The following AGAP1 variants were observed in gnomAD, a reference collection of about 807,000 sequenced individuals.
AGAP1 encodes arf-GAP with GTPase, ANK repeat and PH domain-containing protein 1.
A neutral mutation model predicts 105.3 loss-of-function variants in AGAP1; 29 were observed. The ratio of observed to expected loss-of-function variants is 0.28; its 90% CI spans 0.21 to 0.38. The LOEUF (loss-of-function observed/expected upper bound fraction) is 0.38, where lower values mean the gene tolerates loss of function less well. Ranked by LOEUF, AGAP1 falls within the 10% of genes least tolerant of loss-of-function variation. The pLI is 1.00. For missense variants in AGAP1, 998 were observed against 1,165.1 expected, an observed-to-expected ratio of 0.86 and a Z score of 2.09; for synonymous variants, 509 against 485.9, an observed-to-expected ratio of 1.05 and a Z score of -0.63.
rs911791793 is a variant in AGAP1 at position 235,601,555 on chromosome 2, A to G, written c.163+106706A>G. 6.6e-5 allele frequency among the ~76,000 whole-genome samples: 10 copies of G among 152,182 alleles called. No homozygotes were observed. Among genetic ancestry groups the G allele is most frequent in the African/African-American group, 2.2e-4 (9 of 41,456 alleles). On this transcript the variant is annotated intron_variant, in intron 1 of 17. Coordinates refer to ENST00000304032, the MANE Select transcript of AGAP1 (RefSeq NM_001037131.3). The surrounding 1 kb of genome is among the most constrained non-coding windows in gnomAD (Gnocchi z 4.4). ...TTGCTCAGGCGAACTCCCGTTTATA[A>G]AACCATCAGATCTTGTGAGACTTAT...
At chr2:235,833,311 G>A (rs1415784263) in intron 9 of AGAP1, among the ~76,000 whole-genome samples, 1 of 152,230 alleles carries the variant, frequency 6.6e-6, no homozygotes, top group Non-Finnish European at 1.5e-5. Flanking sequence ...AAGGGACAGG[G>A]CAGGATTATT....
rs1462531163 is a variant in AGAP1 at position 236,036,611 on chromosome 2, T to C, written c.1696T>C (p.Trp566Arg). ...FIIVSLTGQT[W>R]HFEATTYEER... ...CATTGTGTCCCTCACTGGCCAAACA[T>C]GGCACTTTGAAGCCACGACGTATGA... Residue 566 changes from tryptophan to arginine, a missense_variant, in exon 14 of 18, where the codon TGG becomes CGG. Physicochemically the swap from Trp to Arg is moderately radical, Grantham distance 101. Transcript: ENST00000304032. The surrounding 1 kb of genome is among the most constrained non-coding windows in gnomAD (Gnocchi z 5.7). The C allele has an allele frequency of 3.1e-6, 5 of 1,614,180 alleles. No individual in the cohort carries two copies. Among genetic ancestry groups the C allele is most frequent in the Non-Finnish European group, 4.2e-6 (5 of 1,180,040 alleles).
rs1395865782 is a variant in AGAP1 at position 235,739,366 on chromosome 2, C to T, written c.311-1597C>T. 1.3e-5 allele frequency among the ~76,000 whole-genome samples: 2 copies of T among 152,232 alleles called. No individual in the cohort carries two copies. Among genetic ancestry groups the T allele is most frequent in the African/African-American group, 4.8e-5 (2 of 41,460 alleles). On this transcript the variant is annotated intron_variant, in intron 3 of 17. Coordinates refer to ENST00000304032, the MANE Select transcript of AGAP1 (RefSeq NM_001037131.3). This position sits in a 1 kb window ranked among gnomAD's most constrained non-coding sequence, Gnocchi z 5.3. Reference sequence around the variant, plus strand: ...CATTTCTTTTTTGCCTACGAGGACTCTCGATTCAGGGACCCTGAGTCTTTG... The same window carrying T: ...CATTTCTTTTTTGCCTACGAGGACTTTCGATTCAGGGACCCTGAGTCTTTG...
rs892818417 is a variant in AGAP1 at position 235,635,463 on chromosome 2, G to C, written c.164-73716G>C. 2.6e-5 allele frequency among the ~76,000 whole-genome samples: 4 copies of C among 152,132 alleles called. No homozygotes were observed. Among genetic ancestry groups the C allele is most frequent in the Non-Finnish European group, 5.9e-5 (4 of 68,028 alleles). On this transcript the variant is annotated intron_variant, in intron 1 of 17. Coordinates refer to ENST00000304032, the MANE Select transcript of AGAP1 (RefSeq NM_001037131.3). The surrounding 1 kb of genome is among the most constrained non-coding windows in gnomAD (Gnocchi z 5.3). ...TGAAAATTTGTCATTTTGGTGTGGT[G>C]AATTCGTTCTTTTATTCATCATCCA...
chr2:235,565,090 G>A (rs1219722092), intron 1 of AGAP1, among the ~76,000 whole-genome samples: 1 of 148,280 alleles, frequency 6.7e-6, no homozygotes, highest in Admixed American at 6.7e-5. Context: ...CCCACGGTCA[G>A]CTGTGAATTT....
intron 1 of AGAP1, among the ~76,000 whole-genome samples, chr2:235,607,731 C>T (rs1945993480): frequency 6.6e-6 from 1 of 152,190 alleles, no homozygotes; most frequent in Admixed American, 6.5e-5. Flanking sequence ...AAGCTGCAGG[C>T]CAGCCTCGAG....
chr2:235,997,063 A>G (rs1484149854), intron 13 of AGAP1, among the ~76,000 whole-genome samples: 1 of 152,176 alleles, frequency 6.6e-6, no homozygotes, highest in African/African-American at 2.4e-5. Context: ...AGGTACATAG[A>G]TACATGCATA....
At chr2:235,544,104 A>G (rs956180877) in intron 1 of AGAP1, among the ~76,000 whole-genome samples, 2 of 152,224 alleles carry the variant, frequency 1.3e-5, no homozygotes, top group Non-Finnish European at 2.9e-5. Flanking sequence ...TGACAGTTTC[A>G]TAAGGCTAAC....
intron 6 of AGAP1, among the ~76,000 whole-genome samples, chr2:235,790,559 T>A (rs1337972487): frequency 6.6e-6 from 1 of 152,162 alleles, no homozygotes; most frequent in Non-Finnish European, 1.5e-5. Flanking sequence ...ATAGATCTCT[T>A]CACTTCTCTA....
chr2:235,771,468 T>A (rs985682820), intron 6 of AGAP1, among the ~76,000 whole-genome samples: 1 of 152,168 alleles, frequency 6.6e-6, no homozygotes. Flanking sequence ...CTAAGGCATG[T>A]GGGCGTGCAA....
intron 1 of AGAP1, among the ~76,000 whole-genome samples, chr2:235,539,427 C>T (rs963471686): frequency 3.3e-5 from 5 of 152,230 alleles, no homozygotes; most frequent in African/African-American, 1.2e-4. Flanking sequence ...CCCTGCCTAG[C>T]GCTGCCTTGT....
Position 235,970,712 on chromosome 2 carries a change from C to T in AGAP1, c.1645+2089C>T, listed in dbSNP as rs1177200693. Among the ~76,000 whole-genome samples, 1 of 152,174 alleles carries T rather than the reference C, an allele frequency of 6.6e-6. No individual in the cohort carries two copies. Among genetic ancestry groups the T allele is most frequent in the Non-Finnish European group, 1.5e-5 (1 of 68,036 alleles). On this transcript the variant is annotated intron_variant, in intron 13 of 17. Transcript: ENST00000304032. The surrounding 1 kb of genome is among the most constrained non-coding windows in gnomAD (Gnocchi z 5.4). ...CCGCTGTGTAAATGAGTGAATAAAT[C>T]AGTAGCGTTTCTGCACATTTGATGG...
At chr2:235,545,279 G>A (rs926272541) in intron 1 of AGAP1, among the ~76,000 whole-genome samples, 5 of 152,134 alleles carry the variant, frequency 3.3e-5, no homozygotes, top group Non-Finnish European at 4.4e-5. Flanking sequence ...GAGTGTGATC[G>A]GTGAAACACA....
intron 16 of AGAP1, among the ~76,000 whole-genome samples, chr2:236,108,462 G>A (rs957804237): frequency 4.6e-5 from 7 of 152,072 alleles, no homozygotes; most frequent in African/African-American, 1.4e-4. Context: ...GTTCCTCCAC[G>A]CCAGCCCGCT....
At chr2:235,759,632 C>T (rs1025195777) in intron 6 of AGAP1, among the ~76,000 whole-genome samples, 4 of 152,124 alleles carry the variant, frequency 2.6e-5, no homozygotes, top group Non-Finnish European at 5.9e-5. Flanking sequence ...TTGGTGGGGG[C>T]GCACATGTGA....
At chr2:235,831,966 A>G (rs924705753) in intron 9 of AGAP1, among the ~76,000 whole-genome samples, 36 of 152,328 alleles carry the variant, frequency 2.4e-4, no homozygotes, top group African/African-American at 7.7e-4. Context: ...ACATCCTGTC[A>G]GCACTTGGTG....
chr2:236,014,690 G>A lies in AGAP1; in HGVS notation c.1646-21871G>A, dbSNP rs540050289. ...CCCACCCGCTTCGCGCAGACAGCTCGGAGGCAACGTCACGTGCTACTTTGA... is the reference window on the plus strand; with the variant it reads ...CCCACCCGCTTCGCGCAGACAGCTCAGAGGCAACGTCACGTGCTACTTTGA... On this transcript the variant is annotated intron_variant, in intron 13 of 17. Coordinates refer to ENST00000304032, the MANE Select transcript of AGAP1 (RefSeq NM_001037131.3). The surrounding 1 kb of genome is among the most constrained non-coding windows in gnomAD (Gnocchi z 6.3). 9 of 357,286 alleles carry A rather than the reference G, an allele frequency of 2.5e-5. No individual in the cohort carries two copies. Among genetic ancestry groups the A allele is most frequent in the Admixed American group, 1.2e-4 (3 of 24,944 alleles). The allele number at this position is 357,286 out of a possible 1,614,324, so 22.1% of individuals were successfully genotyped here. A position where few individuals can be genotyped will look rare whatever the true frequency, so the allele number is the denominator to read the frequency against.
chr2:235,765,821 G>GGA (rs1301586204), intron 6 of AGAP1, among the ~76,000 whole-genome samples: 1 of 152,094 alleles, frequency 6.6e-6, no homozygotes, highest in African/African-American at 2.4e-5. Flanking sequence ...TAGTCATCTG[G>GGA]GTACTGGGAA....
rs938700347 is a variant in AGAP1, at chr2:236,126,200, C to A, written c.*2078C>A. 6.6e-6 allele frequency: 1 copy of A among 152,192 alleles called. No homozygotes were observed. Among genetic ancestry groups the A allele is most frequent in the African/African-American group, 2.4e-5 (1 of 41,442 alleles). 9.4% of individuals were successfully genotyped at this position (152,192 alleles called of 1,614,324 possible). A position where few individuals can be genotyped will look rare whatever the true frequency, so the allele number is the denominator to read the frequency against. On this transcript the variant is annotated 3_prime_UTR_variant, in exon 18 of 18. Transcript: ENST00000304032. Reference sequence around the variant, plus strand: ...GCCACAAGTCTGAGAACCTTGACGACAGTTCCATCGTCCTGCCATTTGATT... The same window carrying A: ...GCCACAAGTCTGAGAACCTTGACGAAAGTTCCATCGTCCTGCCATTTGATT...
Sources: gnomAD v4.1 joint callset for allele counts (sites outside exome capture counted in the v4.1 genomes callset) on GRCh38, gnomAD v4.1.1 for gene constraint, Gnocchi (gnomAD v3.1) non-coding constraint, MANE v1.5 for transcripts, NCBI Gene and HGNC (gene_info 2026-07-23, HGNC 2026-07-21) for gene names.